The following TNKS variants were observed in gnomAD, a reference collection of about 807,000 sequenced individuals.
The protein encoded by TNKS is poly [ADP-ribose] polymerase tankyrase-1.
TNKS carries 72 observed loss-of-function variants against 135.8 expected under a neutral mutation model. The ratio of observed to expected loss-of-function variants is 0.53; its 90% CI spans 0.44 to 0.64. The LOEUF (loss-of-function observed/expected upper bound fraction) is 0.64, where lower values mean the gene tolerates loss of function less well. TNKS is among the 30% of genes least tolerant of loss of function. TNKS has a pLI of 0.00. For synonymous variants in TNKS, 849 were observed against 649.3 expected (o/e 1.31, Z -4.68); for missense variants, 1,769 against 1,674.0 (o/e 1.06, Z -0.99).
intron 3 of TNKS, among the ~76,000 whole-genome samples, chr8:9,626,405 C>T (rs1212273135): frequency 1.3e-5 from 2 of 152,130 alleles, no homozygotes; most frequent in Admixed American, 1.3e-4. Flanking sequence ...ATGGCAAATT[C>T]CTCACGTCTA....
intron 2 of TNKS, among the ~76,000 whole-genome samples, chr8:9,596,237 G>A (rs1320587949): frequency 6.6e-6 from 1 of 152,136 alleles, no homozygotes; most frequent in African/African-American, 2.4e-5. Context: ...GTGTAACCAG[G>A]CAGATTTTGC....
At chr8:9,717,068 T>TA (rs1440518571) in intron 11 of TNKS, among the ~76,000 whole-genome samples, 194 of 86,290 alleles carry the variant, frequency 2.2e-3, no homozygotes, top group Non-Finnish European at 4.0e-3. Flanking sequence ...ATCTGTTGTA[T>TA]TATAATATAT....
intron 3 of TNKS, among the ~76,000 whole-genome samples, chr8:9,648,214 T>A (rs1480520065): frequency 6.6e-6 from 1 of 152,146 alleles, no homozygotes; most frequent in Non-Finnish European, 1.5e-5. Flanking sequence ...TAGATTTATT[T>A]AAAAAAATTT....
At chr8:9,595,848 C>G (rs1471433643) in intron 2 of TNKS, among the ~76,000 whole-genome samples, 1 of 152,168 alleles carries the variant, frequency 6.6e-6, no homozygotes, top group Non-Finnish European at 1.5e-5. Context: ...TGCAGTGACT[C>G]ATACCTCTAA....
At chr8:9,773,283 A>ATTGTTAAATAAACATATTCATAT (rs1183093234) in intron 26 of TNKS, among the ~76,000 whole-genome samples, 1 of 152,198 alleles carries the variant, frequency 6.6e-6, no homozygotes, top group African/African-American at 2.4e-5. Flanking sequence ...CAAAAGCAGA[A>ATTGTTAAATAAACATATTCATAT]TTGTTAAATA....
chr8:9,570,552 G>C (rs890984981), intron 1 of TNKS, among the ~76,000 whole-genome samples: 5 of 152,148 alleles, frequency 3.3e-5, no homozygotes, highest in Non-Finnish European at 7.4e-5. Flanking sequence ...GGTTAGTACA[G>C]CATTTTCACT....
chr8:9,566,410 T>G (rs1409996347), intron 1 of TNKS: 1 of 152,112 alleles, frequency 6.6e-6, no homozygotes, highest in Non-Finnish European at 1.5e-5. Context: ...CCTATGTTAA[T>G]TTATGAAAGC....
chr8:9,715,674 A>G (rs762668118), intron 11 of TNKS, among the ~76,000 whole-genome samples: 1 of 152,180 alleles, frequency 6.6e-6, no homozygotes, highest in African/African-American at 2.4e-5. Context: ...CTAGAGGGGA[A>G]TAAGGGCAAT....
chr8:9,686,694 A>G (rs770493676), intron 5 of TNKS, among the ~76,000 whole-genome samples: 1 of 152,104 alleles, frequency 6.6e-6, no homozygotes, highest in Non-Finnish European at 1.5e-5. Flanking sequence ...CAATTTAAGT[A>G]TTTTCCCCCT....
intron 3 of TNKS, among the ~76,000 whole-genome samples, chr8:9,638,249 A>G (rs1800588478): frequency 6.6e-6 from 1 of 152,240 alleles, no homozygotes. Flanking sequence ...CGTTGGGATT[A>G]CAGATACAAG....
chr8:9,622,133 C>T lies in TNKS; in HGVS notation c.994+6456C>T, dbSNP rs181322286. Among the ~76,000 whole-genome samples, 60 of 152,076 alleles carry T rather than the reference C, an allele frequency of 3.9e-4. 1 individual carries two copies. The highest frequency in any genetic ancestry group is 4.4e-5 in the Non-Finnish European group (3 of 67,986). ...TTTTGAAATTTTTAAAATATGAAGA[C>T]AATTTAGGAGAAGAATGTAAAACTC... On this transcript the variant is annotated intron_variant, in intron 3 of 26. Coordinates refer to ENST00000310430, the MANE Select transcript of TNKS (RefSeq NM_003747.3).
At chr8:9,773,018 A>G (rs1301046234) in intron 26 of TNKS, among the ~76,000 whole-genome samples, 2 of 151,682 alleles carry the variant, frequency 1.3e-5, no homozygotes, top group East Asian at 1.9e-4. Context: ...CTTACTTGTA[A>G]GTTGGTAGCT....
chr8:9,639,898 T>G (rs1800658718), intron 3 of TNKS, among the ~76,000 whole-genome samples: 1 of 152,208 alleles, frequency 6.6e-6, no homozygotes, highest in Non-Finnish European at 1.5e-5. Context: ...TGTGTGAAGC[T>G]TATGTTCCAA....
intron 2 of TNKS, among the ~76,000 whole-genome samples, chr8:9,612,905 A>G (rs13273771): frequency 0.1 from 15,712 of 152,296 alleles, 1,157 homozygotes; most frequent in East Asian, 0.23. Context: ...AGCAAGCTAG[A>G]GAAAAGAAAA....
chr8:9,671,388 T>G (rs1367150749), intron 3 of TNKS, among the ~76,000 whole-genome samples: 2 of 152,104 alleles, frequency 1.3e-5, no homozygotes, highest in Non-Finnish European at 2.9e-5. Context: ...ATAAACAAAT[T>G]GAGATACATC....
At chr8:9,616,677 C>G (rs1032796400) in intron 3 of TNKS, among the ~76,000 whole-genome samples, 1 of 152,154 alleles carries the variant, frequency 6.6e-6, no homozygotes, top group African/African-American at 2.4e-5. Flanking sequence ...CATAGAAAAA[C>G]AACTTTGCAC....
chr8:9,761,647 C>T lies in TNKS; in HGVS notation c.3274+11C>T. On this transcript the variant is annotated intron_variant, in intron 21 of 26. Coordinates refer to ENST00000310430, the MANE Select transcript of TNKS (RefSeq NM_003747.3). ...TAGGTGGACAACAAGGTAAGCTATTCAGAAAAAAAAAAAAATTTCAGAAAT... is the reference window on the plus strand; with the variant it reads ...TAGGTGGACAACAAGGTAAGCTATTTAGAAAAAAAAAAAAATTTCAGAAAT... The T allele has an allele frequency of 6.4e-7, 1 of 1,563,896 alleles. No homozygotes were observed. Among genetic ancestry groups the T allele is most frequent in the Non-Finnish European group, 8.6e-7 (1 of 1,164,642 alleles).
chr8:9,596,873 C>A (rs1283483575), intron 2 of TNKS, among the ~76,000 whole-genome samples: 1 of 152,170 alleles, frequency 6.6e-6, no homozygotes, highest in Admixed American at 6.5e-5. Context: ...AGGAAATGTT[C>A]TAGTGGGTCC....
Position 9,633,903 on chromosome 8 carries a change from C to T in TNKS, c.994+18226C>T, listed in dbSNP as rs189534941. Among the ~76,000 whole-genome samples the T allele has an allele frequency of 2.7e-4, 41 of 152,182 alleles. 1 individual carries two copies. The East Asian group carries it at 6.9e-3, about 26-fold the overall frequency. Reference sequence around the variant, plus strand: ...TCCCCATGTATAGCTTGGCAGCAACCTTGTTGGAAATGCTGAGTCAGAATC... The same window carrying T: ...TCCCCATGTATAGCTTGGCAGCAACTTTGTTGGAAATGCTGAGTCAGAATC... On this transcript the variant is annotated intron_variant, in intron 3 of 26. Coordinates refer to ENST00000310430, the MANE Select transcript of TNKS (RefSeq NM_003747.3).
Sources: gnomAD v4.1 joint callset for allele counts (sites outside exome capture counted in the v4.1 genomes callset) on GRCh38, gnomAD v4.1.1 for gene constraint, MANE v1.5 for transcripts, NCBI Gene and HGNC (gene_info 2026-07-23, HGNC 2026-07-21) for gene names.